TRIM49: variants seen among roughly 807,000 people sequenced by gnomAD.
TRIM49 encodes tripartite motif-containing protein 49.
Under a neutral mutation model 27.4 loss-of-function variants are expected in TRIM49, and 5 were observed. That is an observed-to-expected ratio of 0.18 (90% CI 0.10 to 0.38). TRIM49 has a LOEUF of 0.38. Ranked by LOEUF, TRIM49 falls within the 10% of genes least tolerant of loss-of-function variation. The pLI is 1.00. For missense variants in TRIM49, 188 were observed against 487.5 expected, an observed-to-expected ratio of 0.39 and a Z score of 5.79; for synonymous variants, 69 against 166.0, an observed-to-expected ratio of 0.42 and a Z score of 4.49.
At chr11:89,783,609 G>C in the TRIM49 span, among the ~76,000 whole-genome samples, 1 of 134,342 alleles carries the variant, frequency 7.4e-6, no homozygotes, top group Non-Finnish European at 1.6e-5. Context: ...GTGGAGACTG[G>C]CCTTAAACTG....
intron 6 of TRIM49, among the ~76,000 whole-genome samples, 161 bp downstream of exon 6, chr11:89,800,805 A>G (rs1949729714): frequency 6.7e-6 from 1 of 149,962 alleles, no homozygotes; most frequent in African/African-American, 2.5e-5. Flanking sequence ...TTATTCATTT[A>G]TTTACTTCGT....
chr11:89,772,981 A>C, the TRIM49 span, among the ~76,000 whole-genome samples: 3 of 135,740 alleles, frequency 2.2e-5, no homozygotes, highest in Non-Finnish European at 4.5e-5. Context: ...ACCTGAGGTC[A>C]GGAGTTCGAG....
At chr11:89,778,357 T>TA in the TRIM49 span, among the ~76,000 whole-genome samples, 22 of 150,320 alleles carry the variant, frequency 1.5e-4, no homozygotes, top group South Asian at 8.4e-4. Flanking sequence ...ATAGTAAAAG[T>TA]AAAAAAAAAC....
At chr11:89,776,551 TCTGCC>T in the TRIM49 span, among the ~76,000 whole-genome samples, 1 of 147,760 alleles carries the variant, frequency 6.8e-6, no homozygotes, top group Admixed American at 6.7e-5. Flanking sequence ...GTGAACGCAC[TCTGCC>T]AAACTTGTAC....
chr11:89,802,311 T>TC (rs1949744939), intron 4 of TRIM49, among the ~76,000 whole-genome samples: 1 of 150,942 alleles, frequency 6.6e-6, no homozygotes, highest in African/African-American at 2.5e-5. Flanking sequence ...CCAAGTTGCT[T>TC]AAACTCATTA....
rs1949707791 is a variant in TRIM49 at position 89,798,425 on chromosome 11, A to G, written c.1064T>C (p.Phe355Ser). Reference protein sequence around the residue: ...VHVGDSWNWAFGVCNMYRKEK... With the variant: ...VHVGDSWNWASGVCNMYRKEK... The stretch of plus-strand genomic sequence containing the variant: ...TTTCCGATACATATTACAGACACCA[A>G]AAGCCCAATTCCAGGAGTCCCCTAC... The change falls in exon 8 of 8, where the codon TTT (phenylalanine) becomes TCT (serine). Residue 355 changes from phenylalanine (F) to serine (S), a missense_variant. Physicochemically the swap from Phe to Ser is radical, Grantham distance 155. Transcript: ENST00000329758. The G allele has an allele frequency of 1.9e-6, 3 of 1,602,874 alleles. No individual in the cohort carries two copies. Among genetic ancestry groups the G allele is most frequent in the Non-Finnish European group, 2.5e-6 (3 of 1,177,836 alleles).
rs1399650691 is a variant in TRIM49, at chr11:89,804,439, C to T, written c.31G>A (p.Gly11Arg). The T allele has an allele frequency of 6.2e-7, 1 of 1,600,146 alleles. No homozygotes were observed. The highest frequency in any genetic ancestry group is 1.7e-5 in the Admixed American group (1 of 59,214). The part of the protein sequence containing the change: MNSGILQVFQ[G>R]ELICPLCMNY... ...ATGCACAGGGGGCAGATGAGTTCCC[C>T]CTGAAAGACCTGTAAGATTCCAGAA... The change falls in exon 3 of 8, where the codon GGG becomes AGG. Residue 11 changes from glycine (G) to arginine (R), a missense_variant. This residue lies in a region of TRIM49 where 12 missense variants were observed against 45.4 expected (regional missense o/e 0.26). Coordinates refer to ENST00000329758, the MANE Select transcript of TRIM49 (RefSeq NM_020358.2).
the TRIM49 span, among the ~76,000 whole-genome samples, chr11:89,767,785 T>C: frequency 7.4e-6 from 1 of 135,116 alleles, no homozygotes; most frequent in Non-Finnish European, 1.5e-5. Flanking sequence ...ATAAATGCTA[T>C]GAAACTTCAC....
At chr11:89,804,000 A>G in intron 3 of TRIM49, 59 bp downstream of exon 3, 1 of 1,611,580 alleles carries the variant, frequency 6.2e-7, no homozygotes, top group East Asian at 2.2e-5. Context: ...CCAAGAAAAT[A>G]GACCCACAGG....
chr11:89,774,300 A>G, the TRIM49 span, among the ~76,000 whole-genome samples: 1 of 151,140 alleles, frequency 6.6e-6, no homozygotes. Flanking sequence ...TTCCTTGCCC[A>G]GCTACTTAAA....
chr11:89,774,396 G>A, the TRIM49 span, among the ~76,000 whole-genome samples: 1 of 150,934 alleles, frequency 6.6e-6, no homozygotes, highest in Non-Finnish European at 1.5e-5. Flanking sequence ...CTCAAGTCTG[G>A]TTTTCAATAC....
downstream of TRIM49, among the ~76,000 whole-genome samples, chr11:89,797,129 G>C (rs539875413): frequency 3.9e-4 from 59 of 151,894 alleles, 1 homozygote; most frequent in African/African-American, 1.4e-3. Context: ...TAAGACTAAT[G>C]AAAGTGAGCA....
At chr11:89,783,560 T>C in the TRIM49 span, among the ~76,000 whole-genome samples, 2 of 125,184 alleles carry the variant, frequency 1.6e-5, no homozygotes, top group Non-Finnish European at 1.6e-5. Context: ...TGAAGGTTCC[T>C]ATATAAGATG....
At chr11:89,791,019 G>C in the TRIM49 span, among the ~76,000 whole-genome samples, 1 of 146,346 alleles carries the variant, frequency 6.8e-6, no homozygotes, top group Non-Finnish European at 1.5e-5. Flanking sequence ...TAGATGAATG[G>C]CTAACTAGAA....
In TRIM49 at chr11:89,797,859, CATAA is replaced by C. The variant is rs796667136; in HGVS notation, c.*267_*270del. 67 of 110,836 alleles carry C rather than the reference CATAA, an allele frequency of 6.0e-4. No homozygotes were observed. The South Asian group carries it at 7.4e-3, about 12-fold the overall frequency. The allele number at this position is 110,836 out of a possible 1,614,324, so 6.9% of individuals were successfully genotyped here. ...ATCTATTATTTCACTCAGTGACAGT[CATAA>C]ATAAAGAAAAAAAAGAGAATATACT... is the stretch of plus-strand genomic sequence containing the variant. On this transcript the variant is annotated 3_prime_UTR_variant, in exon 8 of 8. Coordinates refer to ENST00000329758, the MANE Select transcript of TRIM49 (RefSeq NM_020358.2).
At chr11:89,795,742 TG>T (rs1949682974), downstream of TRIM49, among the ~76,000 whole-genome samples, 1 of 87,290 alleles carries the variant, frequency 1.1e-5, no homozygotes, top group South Asian at 4.6e-4. Context: ...TGTTATGGGG[TG>T]GGGGGAGGGG....
intron 1 of TRIM49, among the ~76,000 whole-genome samples, chr11:89,807,661 T>C (rs1358411932): frequency 4.0e-5 from 6 of 151,016 alleles, no homozygotes; most frequent in Admixed American, 3.3e-4. Flanking sequence ...TCCAAGTAGC[T>C]ACGACTTTAG....
At chr11:89,792,514 T>G in the TRIM49 span, among the ~76,000 whole-genome samples, 2 of 151,808 alleles carry the variant, frequency 1.3e-5, no homozygotes, top group Admixed American at 1.3e-4. Flanking sequence ...CCTCAGCAAA[T>G]GTAAAAGAAC....
chr11:89,770,460 A>G, the TRIM49 span, among the ~76,000 whole-genome samples: 2 of 140,988 alleles, frequency 1.4e-5, no homozygotes, highest in African/African-American at 6.1e-5. Flanking sequence ...AAAAGCTAGG[A>G]AAAAGCTGAA....
Sources: allele counts gnomAD v4.1 joint callset (sites outside exome capture counted in the v4.1 genomes callset), GRCh38; gene constraint gnomAD v4.1.1; regional missense constraint gnomAD v4.1.1; transcripts MANE v1.5; gene names NCBI Gene and HGNC (gene_info 2026-07-23, HGNC 2026-07-21).